LYST: variants seen among roughly 807,000 people sequenced by gnomAD.
LYST encodes lysosomal trafficking regulator, also known as lysosomal-trafficking regulator.
LYST carries 192 observed loss-of-function variants against 413.6 expected under a neutral mutation model. The observed-to-expected ratio is 0.46, with a 90% CI of 0.41 to 0.52. LYST has a LOEUF of 0.52. LYST is among the 20% of genes least tolerant of loss of function. LYST has a pLI of 0.00. For missense variants in LYST, 3,815 were observed against 4,499.9 expected, an observed-to-expected ratio of 0.85 and a Z score of 4.35; for synonymous variants, 1,525 against 1,567.3, an observed-to-expected ratio of 0.97 and a Z score of 0.64.
At chr1:235,832,419 TAA>T (rs1676095174) in intron 2 of LYST, among the ~76,000 whole-genome samples, 1 of 152,322 alleles carries the variant, frequency 6.6e-6, no homozygotes, top group African/African-American at 2.4e-5. Context: ...TTTTTAGATA[TAA>T]AAGTTAATGC....
chr1:235,876,097 C>T (rs1681124422), intron 1 of LYST, among the ~76,000 whole-genome samples: 1 of 151,974 alleles, frequency 6.6e-6, no homozygotes, highest in Non-Finnish European at 1.5e-5. Context: ...GTGGCAGCTC[C>T]TATAGTCCCA....
chr1:235,774,202 C>T (rs1277055531), intron 18 of LYST, among the ~76,000 whole-genome samples: 1 of 152,064 alleles, frequency 6.6e-6, no homozygotes, highest in Non-Finnish European at 1.5e-5. Context: ...TAAGTGAGTA[C>T]TCAGGTTCAA....
chr1:235,738,953 T>C, intron 31 of LYST: 1 of 729,680 alleles, frequency 1.4e-6, no homozygotes, highest in Non-Finnish European at 2.6e-6. Context: ...ACAGTGCAGA[T>C]CCACTTTGGG....
At chr1:235,780,662 GATATAA>G (rs1469986600) in intron 16 of LYST, among the ~76,000 whole-genome samples, 197 bp downstream of exon 16, 1 of 151,680 alleles carries the variant, frequency 6.6e-6, no homozygotes, top group African/African-American at 2.4e-5. Context: ...AGGAAAAGGA[GATATAA>G]ATATAAAGCC....
chr1:235,848,281 GC>G (rs1271504370), intron 1 of LYST, among the ~76,000 whole-genome samples: 1 of 152,124 alleles, frequency 6.6e-6, no homozygotes, highest in East Asian at 1.9e-4. Flanking sequence ...TCCTGAATGA[GC>G]ATTGGGTCAA....
At chr1:235,857,782 C>CATATATAT (rs1486758595) in intron 1 of LYST, among the ~76,000 whole-genome samples, 34 of 119,594 alleles carry the variant, frequency 2.8e-4, no homozygotes, top group African/African-American at 1.1e-3. Flanking sequence ...CACACACACA[C>CATATATAT]ACATATATAT....
intron 1 of LYST, among the ~76,000 whole-genome samples, chr1:235,866,589 G>A (rs1026661987): frequency 6.6e-6 from 1 of 152,178 alleles, no homozygotes; most frequent in African/African-American, 2.4e-5. Flanking sequence ...CCGAGCTCCC[G>A]CCCGCGGCCC....
rs750126016 is a variant in LYST at position 235,757,417 on chromosome 1, T to G, written c.6923A>C (p.Tyr2308Ser). 2 of 1,613,742 alleles carry G rather than the reference T, an allele frequency of 1.2e-6. No individual in the cohort carries two copies. Among genetic ancestry groups the G allele is most frequent in the Non-Finnish European group, 1.7e-6 (2 of 1,179,804 alleles). ...AAGAAGAACCCCACTTAGGAGTTCA[T>G]ATAATCCACAGCATATAGGTACCAA... Reference protein sequence around the residue: ...DCLVPICCGLYELLSGVLLIL... With the variant: ...DCLVPICCGLSELLSGVLLIL... The change falls in exon 24 of 53, where the codon TAT becomes TCT. Residue 2308 changes from tyrosine to serine, a missense_variant. Physicochemically the swap from Tyr to Ser is moderately radical, Grantham distance 144. Around this residue, in one of 4 missense-constraint regions of LYST, gnomAD observed 771 missense variants for 837.1 expected, o/e 0.92. Coordinates refer to ENST00000389793, the MANE Select transcript of LYST (RefSeq NM_000081.4).
chr1:235,695,843 A>G (rs1661063540), intron 46 of LYST, among the ~76,000 whole-genome samples: 1 of 151,840 alleles, frequency 6.6e-6, no homozygotes, highest in Non-Finnish European at 1.5e-5. Context: ...CACCGTGTTA[A>G]CCAGGATGGT....
At chr1:235,866,453 G>T (rs1446886696) in intron 1 of LYST, among the ~76,000 whole-genome samples, 1 of 152,204 alleles carries the variant, frequency 6.6e-6, no homozygotes. Flanking sequence ...TAGTGCAGCG[G>T]CACAGGATCA....
intron 3 of LYST, among the ~76,000 whole-genome samples, chr1:235,820,022 C>A (rs189847755): frequency 1.3e-5 from 2 of 152,344 alleles, no homozygotes; most frequent in Admixed American, 1.3e-4. Context: ...CCCATAGAAA[C>A]AACAAACAGT....
At position 235,662,967 on chromosome 1, in the gene LYST, G is replaced by A. The variant is rs1658149998; in HGVS notation, c.11379C>T (p.Ser3793=). The change falls in exon 53 of 53, where the codon TCC becomes TCT. Residue 3793 remains serine (S), a synonymous_variant. Transcript: ENST00000389793. ...ACCCGGCTGCATAGCTGCTAAGGAA[G>A]GAATAGAACATTGGCTGTTTCAAGC... The part of the protein sequence containing the change: ...QQRLKQPMFY[S]FLSSYAAG 1 of 1,605,692 alleles carries A rather than the reference G, an allele frequency of 6.2e-7. No homozygotes were observed. The highest frequency in any genetic ancestry group is 8.5e-7 in the Non-Finnish European group (1 of 1,172,392).
chr1:235,817,679 A>C (rs1343557755), intron 3 of LYST, among the ~76,000 whole-genome samples: 2 of 152,184 alleles, frequency 1.3e-5, no homozygotes, highest in East Asian at 3.8e-4. Context: ...ACACATGGAC[A>C]CAAAGAAGGG....
At chr1:235,679,607 A>G (rs1659653982) in intron 48 of LYST, among the ~76,000 whole-genome samples, 1 of 151,924 alleles carries the variant, frequency 6.6e-6, no homozygotes, top group Non-Finnish European at 1.5e-5. Context: ...CTATTTGTGG[A>G]ACAGAATGCA....
chr1:235,736,416 G>C (rs1664822381), intron 31 of LYST: 1 of 151,892 alleles, frequency 6.6e-6, no homozygotes, highest in Non-Finnish European at 1.5e-5. Context: ...ATAGAATGAG[G>C]ATATAGATAG....
intron 9 of LYST, 144 bp downstream of exon 9, chr1:235,800,727 C>T: frequency 3.1e-6 from 2 of 644,914 alleles, no homozygotes; most frequent in Middle Eastern, 8.4e-4. Flanking sequence ...TGGAATACCA[C>T]TTGTAGGTAT....
intron 1 of LYST, among the ~76,000 whole-genome samples, chr1:235,875,600 TG>T: frequency 6.6e-6 from 1 of 152,294 alleles, no homozygotes; most frequent in South Asian, 2.1e-4. Flanking sequence ...CACAACTGCT[TG>T]GTTGTCTAAA....
intron 1 of LYST, among the ~76,000 whole-genome samples, chr1:235,848,038 C>A (rs1468382239): frequency 1.3e-5 from 2 of 152,108 alleles, no homozygotes; most frequent in African/African-American, 4.8e-5. Flanking sequence ...ATGGACTTGA[C>A]AGATATATAC....
chr1:235,872,452 G>A (rs762530871), intron 1 of LYST, among the ~76,000 whole-genome samples: 3 of 152,120 alleles, frequency 2.0e-5, no homozygotes, highest in Non-Finnish European at 2.9e-5. Flanking sequence ...GTTTGATCTC[G>A]TGGTAATAGA....
Sources: gnomAD v4.1 joint callset for allele counts (sites outside exome capture counted in the v4.1 genomes callset) on GRCh38, gnomAD v4.1.1 for gene constraint, gnomAD v4.1.1 regional missense constraint, MANE v1.5 for transcripts, NCBI Gene and HGNC (gene_info 2026-07-23, HGNC 2026-07-21) for gene names.